Variants in RIMS1 observed in about 807,000 individuals in gnomAD.
The protein encoded by RIMS1 is regulating synaptic membrane exocytosis 1, also known as regulating synaptic membrane exocytosis protein 1.
RIMS1 carries 83 observed loss-of-function variants against 214.1 expected under a neutral mutation model. That is an observed-to-expected ratio of 0.39 (90% CI 0.32 to 0.47). The LOEUF is 0.47. Ranked by LOEUF, RIMS1 falls within the 20% of genes least tolerant of loss-of-function variation. The pLI is 0.99. For synonymous variants in RIMS1, 793 were observed against 786.8 expected, an observed-to-expected ratio of 1.01 and a Z score of -0.13; for missense variants, 2,050 against 2,161.8, an observed-to-expected ratio of 0.95 and a Z score of 1.03.
chr6:72,107,580 G>A lies in RIMS1; in HGVS notation c.471+7594G>A, dbSNP rs188899086. Among the ~76,000 whole-genome samples the A allele has an allele frequency of 2.2e-3, 333 of 152,002 alleles. 2 individuals carry two copies. The highest frequency in any genetic ancestry group is 3.4e-3 in the Middle Eastern group (1 of 294). On this transcript the variant is annotated intron_variant, in intron 4 of 33. Coordinates refer to ENST00000521978, the MANE Select transcript of RIMS1 (RefSeq NM_014989.7). ...CATCTCAAAAGAAAAAAGAAAGAAAGAAAGAAATGAAATACTAAGTTAGGT... is the reference window on the plus strand; with the variant it reads ...CATCTCAAAAGAAAAAAGAAAGAAAAAAAGAAATGAAATACTAAGTTAGGT...
chr6:72,216,370 G>A (rs2056024159), intron 6 of RIMS1: 1 of 860,060 alleles, frequency 1.2e-6, no homozygotes, highest in Non-Finnish European at 1.4e-6. Flanking sequence ...CCAGCTCTCT[G>A]GCAAAACCTG....
chr6:72,077,304 T>C (rs1832163068), intron 2 of RIMS1, among the ~76,000 whole-genome samples: 1 of 152,264 alleles, frequency 6.6e-6, no homozygotes, highest in Non-Finnish European at 1.5e-5. Flanking sequence ...GTTCTTTTGT[T>C]AATCTGATTT....
At chr6:72,055,987 C>T (rs114670078) in intron 2 of RIMS1, among the ~76,000 whole-genome samples, 2,588 of 151,922 alleles carry the variant, frequency 0.017, 75 homozygotes, top group African/African-American at 0.049. Flanking sequence ...GCAGTATTCA[C>T]GATAGCAAAG....
At position 72,349,157 on chromosome 6, in the gene RIMS1, C is replaced by T. The variant is rs372291681; in HGVS notation, c.4366+15322C>T. ...ACTGTAAAGATTATTTTCTTACAAC[C>T]GAAAAATGTGGTACACCCAATGATT... On this transcript the variant is annotated intron_variant, in intron 29 of 33. Transcript: ENST00000521978. 5.9e-5 allele frequency among the ~76,000 whole-genome samples: 9 copies of T among 151,902 alleles called. No individual in the cohort carries two copies. In the South Asian group the frequency reaches 1.0e-3, roughly 18 times the overall value.
chr6:72,318,082 T>A (rs2095913283), intron 28 of RIMS1, among the ~76,000 whole-genome samples: 1 of 152,188 alleles, frequency 6.6e-6, no homozygotes, highest in South Asian at 2.1e-4. Flanking sequence ...ACTGTTCACA[T>A]CTTTTTGTGT....
At chr6:72,381,795 T>G (rs920808975) in intron 29 of RIMS1, among the ~76,000 whole-genome samples, 1 of 152,184 alleles carries the variant, frequency 6.6e-6, no homozygotes, top group Non-Finnish European at 1.5e-5. Flanking sequence ...AATGAAAGAA[T>G]AGCTATTAGC....
intron 27 of RIMS1, among the ~76,000 whole-genome samples, chr6:72,309,014 A>G (rs2095380165): frequency 6.6e-6 from 1 of 152,142 alleles, no homozygotes. Context: ...TAAACTGGAA[A>G]TGCTCCTTTT....
chr6:72,365,942 C>T (rs2097996023), intron 29 of RIMS1: 1 of 152,206 alleles, frequency 6.6e-6, no homozygotes, highest in South Asian at 2.1e-4. Flanking sequence ...GTTTTGTTTT[C>T]ACTTGTGGTG....
At chr6:72,040,465 C>G (rs548410485) in intron 2 of RIMS1, among the ~76,000 whole-genome samples, 1 of 152,120 alleles carries the variant, frequency 6.6e-6, no homozygotes, top group East Asian at 1.9e-4. Context: ...ATGAGAAACA[C>G]TATGCCCTGA....
At chr6:71,963,360 C>T (rs1270521753) in intron 1 of RIMS1, among the ~76,000 whole-genome samples, 1 of 152,004 alleles carries the variant, frequency 6.6e-6, no homozygotes, top group Non-Finnish European at 1.5e-5. Flanking sequence ...AATCATATGC[C>T]CCGGCAGGGT....
intron 30 of RIMS1, among the ~76,000 whole-genome samples, chr6:72,391,094 T>C (rs2098695175): frequency 6.6e-6 from 1 of 152,214 alleles, no homozygotes; most frequent in South Asian, 2.1e-4. Context: ...AAGTCCAAGT[T>C]AAAATTTATA....
chr6:72,083,047 A>C (rs569881538), intron 2 of RIMS1, among the ~76,000 whole-genome samples: 22 of 152,212 alleles, frequency 1.4e-4, no homozygotes, highest in Non-Finnish European at 2.9e-4. Context: ...CTTAGGTAAC[A>C]CATGCCTGAA....
chr6:72,113,058 C>T (rs2036420832), intron 4 of RIMS1, among the ~76,000 whole-genome samples: 1 of 152,128 alleles, frequency 6.6e-6, no homozygotes, highest in East Asian at 1.9e-4. Flanking sequence ...ACCTGGTATG[C>T]TATATTTGCC....
intron 24 of RIMS1, among the ~76,000 whole-genome samples, chr6:72,289,910 A>G (rs902804330): frequency 2.0e-5 from 3 of 152,322 alleles, no homozygotes; most frequent in South Asian, 2.1e-4. Context: ...CATTAAAAAA[A>G]TAAGTACATC....
intron 6 of RIMS1, among the ~76,000 whole-genome samples, chr6:72,195,885 G>A (rs1036573946): frequency 2.0e-5 from 3 of 152,076 alleles, no homozygotes; most frequent in Non-Finnish European, 2.9e-5. Flanking sequence ...GAAGAGGCAC[G>A]TCTTACATGA....
chr6:72,017,523 A>G (rs1037335544), intron 2 of RIMS1, among the ~76,000 whole-genome samples: 1 of 152,220 alleles, frequency 6.6e-6, no homozygotes, highest in Non-Finnish European at 1.5e-5. Flanking sequence ...AGGTAAAAAC[A>G]TTAGCATGGT....
rs150690224 is a variant in RIMS1, at chr6:72,099,040, A to G, written c.460-935A>G. On this transcript the variant is annotated intron_variant, in intron 3 of 33. Transcript: ENST00000521978. The stretch of plus-strand genomic sequence containing the variant: ...CAAAATACTTAACAACCCATGTGGT[A>G]AGGACATTGTTCAGTCTGAAAAGAT... Among the ~76,000 whole-genome samples the G allele has an allele frequency of 6.9e-3, 1,045 of 152,350 alleles. 3 individuals carry two copies. The highest frequency in any genetic ancestry group is 0.018 in the South Asian group (87 of 4,826).
At chr6:72,211,395 A>G (rs1234165083) in intron 6 of RIMS1, among the ~76,000 whole-genome samples, 1 of 152,190 alleles carries the variant, frequency 6.6e-6, no homozygotes, top group African/African-American at 2.4e-5. Flanking sequence ...AGACATTCTC[A>G]TTATTTAAAA....
intron 17 of RIMS1, among the ~76,000 whole-genome samples, chr6:72,258,652 C>G (rs1229218191): frequency 2.6e-5 from 4 of 152,094 alleles, no homozygotes; most frequent in African/African-American, 9.7e-5. Flanking sequence ...TTAGGATTGT[C>G]TCTTTGAAGC....
Sources: gnomAD v4.1 joint callset for allele counts (sites outside exome capture counted in the v4.1 genomes callset) on GRCh38, gnomAD v4.1.1 for gene constraint, MANE v1.5 for transcripts, NCBI Gene and HGNC (gene_info 2026-07-23, HGNC 2026-07-21) for gene names.